KLHL6: variants seen among roughly 807,000 people sequenced by gnomAD.
KLHL6 encodes the protein kelch like family member 6.
KLHL6 carries 41 observed loss-of-function variants against 58.6 expected under a neutral mutation model. That is an observed-to-expected ratio of 0.70 (90% confidence interval 0.55 to 0.91). The LOEUF is 0.91. Ranked by LOEUF, KLHL6 falls within the 40% of genes least tolerant of loss-of-function variation. The probability of loss-of-function intolerance (pLI) is 0.00; values close to 1 mark genes in which losing one functional copy is unlikely to be tolerated. For missense variants in KLHL6, 714 were observed against 805.6 expected, an observed-to-expected ratio of 0.89 and a Z score of 1.38; for synonymous variants, 338 against 322.7, an observed-to-expected ratio of 1.05 and a Z score of -0.51.
intron 1 of KLHL6, among the ~76,000 whole-genome samples, chr3:183,535,825 G>A (rs1712345259): frequency 6.6e-6 from 1 of 152,182 alleles, no homozygotes. Flanking sequence ...GCCCAGGCTG[G>A]AGTGCAGTGG....
chr3:183,534,062 G>A (rs1190536591), intron 1 of KLHL6, among the ~76,000 whole-genome samples: 2 of 7,312 alleles, frequency 2.7e-4, no homozygotes, highest in Non-Finnish European at 5.9e-4. Flanking sequence ...CTGCAGAACC[G>A]TAATCACCAG....
chr3:183,493,090 T>A (rs1451513354), intron 5 of KLHL6: 1 of 222,190 alleles, frequency 4.5e-6, no homozygotes, highest in Non-Finnish European at 9.0e-6. Context: ...ATGCCTACTA[T>A]GTACCAGCAT....
chr3:183,524,659 G>T (rs1025997924), intron 2 of KLHL6, among the ~76,000 whole-genome samples: 1 of 152,212 alleles, frequency 6.6e-6, no homozygotes, highest in Non-Finnish European at 1.5e-5. Flanking sequence ...TCATCGGATT[G>T]TCTCTTCCTG....
chr3:183,541,560 C>T (rs1712553207), intron 1 of KLHL6, among the ~76,000 whole-genome samples: 1 of 152,128 alleles, frequency 6.6e-6, no homozygotes, highest in African/African-American at 2.4e-5. Flanking sequence ...GAGGAAGGGG[C>T]TGAGTGTGGT....
At chr3:183,531,454 T>TTTTTTG (rs1560105919) in intron 1 of KLHL6, among the ~76,000 whole-genome samples, 1 of 131,976 alleles carries the variant, frequency 7.6e-6, no homozygotes, top group African/African-American at 3.2e-5. Flanking sequence ...TTTTTTTTTT[T>TTTTTTG]TTTTTTTTTT....
intron 1 of KLHL6, among the ~76,000 whole-genome samples, chr3:183,549,410 A>G (rs1399806497): frequency 2.6e-5 from 4 of 152,242 alleles, no homozygotes; most frequent in Admixed American, 6.5e-5. Context: ...TTTCAGCATT[A>G]TATATCTATA....
intron 1 of KLHL6, among the ~76,000 whole-genome samples, chr3:183,554,673 C>A (rs1713044298): frequency 6.6e-6 from 1 of 152,224 alleles, no homozygotes; most frequent in South Asian, 2.1e-4. Context: ...CATCCTTTTT[C>A]TCTATGTCTG....
intron 1 of KLHL6, among the ~76,000 whole-genome samples, chr3:183,530,027 AC>A (rs1473835650): frequency 6.6e-6 from 1 of 152,120 alleles, no homozygotes; most frequent in African/African-American, 2.4e-5. Context: ...ACCAGAACCC[AC>A]CCATGCTAGC....
chr3:183,544,794 A>G (rs1196869848), intron 1 of KLHL6: 2 of 153,120 alleles, frequency 1.3e-5, no homozygotes, highest in Non-Finnish European at 2.8e-5. Flanking sequence ...ACACACACAC[A>G]CACACGCACA....
At chr3:183,506,072 G>A (rs745567552) in intron 3 of KLHL6, among the ~76,000 whole-genome samples, 6 of 152,166 alleles carry the variant, frequency 3.9e-5, no homozygotes, top group Admixed American at 2.0e-4. Flanking sequence ...CCTGGGCCAC[G>A]TTTGGCTAAG....
At chr3:183,518,614 G>A (rs765053660) in intron 2 of KLHL6, among the ~76,000 whole-genome samples, 2 of 152,162 alleles carry the variant, frequency 1.3e-5, no homozygotes, top group Non-Finnish European at 1.5e-5. Flanking sequence ...GGCTTACTCA[G>A]GGAAGGGGTG....
chr3:183,540,723 G>A (rs574675645), intron 1 of KLHL6, among the ~76,000 whole-genome samples: 2 of 152,180 alleles, frequency 1.3e-5, no homozygotes, highest in East Asian at 3.9e-4. Context: ...ATTACCCTAA[G>A]CTCTCCTACC....
intron 5 of KLHL6, 33 bp downstream of exon 5, chr3:183,494,046 C>T (rs752726708): frequency 6.3e-7 from 1 of 1,575,906 alleles, no homozygotes; most frequent in Non-Finnish European, 8.7e-7. Flanking sequence ...AGTAATAATA[C>T]AGGCAGTTAC....
chr3:183,534,129 T>TTTAAAAGTACTTTACTTTTAAAGTACG, intron 1 of KLHL6, among the ~76,000 whole-genome samples: 1 of 123,026 alleles, frequency 8.1e-6, no homozygotes. Context: ...TTTAAAGTAC[T>TTTAAAAGTACTTTACTTTTAAAGTACG]TTGTACTTTT....
chr3:183,530,214 A>G (rs1712111056), intron 1 of KLHL6, among the ~76,000 whole-genome samples: 1 of 152,182 alleles, frequency 6.6e-6, no homozygotes, highest in South Asian at 2.1e-4. Context: ...ACAGCTTTGG[A>G]ACTGAGTCAT....
chr3:183,551,741 G>T (rs536808448), intron 1 of KLHL6, among the ~76,000 whole-genome samples: 1 of 152,162 alleles, frequency 6.6e-6, no homozygotes, highest in East Asian at 1.9e-4. Flanking sequence ...AGTGCCAGAA[G>T]AAACAAATAG....
At chr3:183,513,428 T>C (rs540698534) in intron 2 of KLHL6, among the ~76,000 whole-genome samples, 16 of 152,346 alleles carry the variant, frequency 1.1e-4, no homozygotes, top group African/African-American at 3.6e-4. Flanking sequence ...AAAATGTGTG[T>C]GGGGGACAAA....
chr3:183,517,103 AG>A (rs1560100154), intron 2 of KLHL6, among the ~76,000 whole-genome samples: 1 of 151,858 alleles, frequency 6.6e-6, no homozygotes, highest in Admixed American at 6.6e-5. Flanking sequence ...TAGTAGACAC[AG>A]GGTTTTGCCA....
chr3:183,499,654 C>T lies in KLHL6; in HGVS notation c.1083G>A (p.Glu361=), dbSNP rs1260263707. ...AKLPLTEHEL[E]SENKKWVEFA... ...ACTCCACCCACTTCTTATTCTCACT[C>T]TCCAGCTCATGCTCTGTTAGCGGGA... The change falls in exon 4 of 7, where the codon GAG becomes GAA. Residue 361 remains glutamate, a synonymous_variant. Transcript: ENST00000341319. This position sits in a 1 kb window ranked among gnomAD's most constrained non-coding sequence, Gnocchi z 4.6. The T allele has an allele frequency of 1.2e-6, 2 of 1,610,950 alleles. No individual in the cohort carries two copies. The highest frequency in any genetic ancestry group is 1.1e-5 in the South Asian group (1 of 90,034).
Sources: gnomAD v4.1 joint callset for allele counts (sites outside exome capture counted in the v4.1 genomes callset) on GRCh38, gnomAD v4.1.1 for gene constraint, Gnocchi (gnomAD v3.1) non-coding constraint, MANE v1.5 for transcripts, NCBI Gene and HGNC (gene_info 2026-07-23, HGNC 2026-07-21) for gene names.